BCL2L11: variants seen among roughly 807,000 people sequenced by gnomAD.
The protein encoded by BCL2L11 is bcl-2-like protein 11.
BCL2L11 carries 15 observed loss-of-function variants against 20.6 expected under a neutral mutation model. That is an observed-to-expected ratio of 0.73 (90% CI 0.49 to 1.12). BCL2L11 has a LOEUF of 1.12. Ranked by LOEUF, BCL2L11 falls within the 50% of genes most tolerant of loss-of-function variation. The probability of loss-of-function intolerance (pLI) is 0.00; values close to 1 mark genes in which losing one functional copy is unlikely to be tolerated. For synonymous variants in BCL2L11, 108 were observed against 92.8 expected (o/e 1.16, Z -0.94); for missense variants, 292 against 260.9 (o/e 1.12, Z -0.82).
intron 2 of BCL2L11, chr2:111,132,133 T>C (rs1391298360): frequency 6.6e-6 from 1 of 152,178 alleles, no homozygotes; most frequent in Non-Finnish European, 1.5e-5. Context: ...TCATTTTGTA[T>C]AGCTTTACCA....
chr2:111,131,355 A>G (rs2073921989), intron 2 of BCL2L11: 1 of 152,024 alleles, frequency 6.6e-6, no homozygotes, highest in Non-Finnish European at 1.5e-5. Flanking sequence ...CTTTTGAAGA[A>G]TTGGTCCCTT....
At chr2:111,144,922 CCTGGCTGTTT>C (rs2076303392) in intron 2 of BCL2L11, among the ~76,000 whole-genome samples, 1 of 152,228 alleles carries the variant, frequency 6.6e-6, no homozygotes, top group African/African-American at 2.4e-5. Context: ...CCTGGCTGTG[CCTGGCTGTTT>C]CCCGCAAGTG....
intron 1 of BCL2L11, chr2:111,123,219 A>C: frequency 1.0e-6 from 1 of 985,482 alleles, no homozygotes; most frequent in Non-Finnish European, 1.2e-6. Flanking sequence ...ATTGTGACGC[A>C]CTTACTACGA....
intron 3 of BCL2L11, among the ~76,000 whole-genome samples, chr2:111,159,963 G>T (rs2078354402): frequency 6.6e-6 from 1 of 152,242 alleles, no homozygotes; most frequent in Non-Finnish European, 1.5e-5. Flanking sequence ...CTATGCTGAG[G>T]AACTTGTAGA....
chr2:111,125,746 G>T (rs2072442379), intron 2 of BCL2L11, among the ~76,000 whole-genome samples: 1 of 152,266 alleles, frequency 6.6e-6, no homozygotes, highest in Admixed American at 6.5e-5. Flanking sequence ...CATGCTGGCT[G>T]CACGTCTCTT....
At position 111,150,052 on chromosome 2, in the gene BCL2L11, A is replaced by T. The variant is rs1384450092; in HGVS notation, c.403A>T (p.Arg135Trp). 7.4e-6 allele frequency: 12 copies of T among 1,613,500 alleles called. No individual in the cohort carries two copies. Among genetic ancestry groups the T allele is most frequent in the Admixed American group, 1.7e-5 (1 of 59,994 alleles). Residue 135 changes from arginine to tryptophan, a missense_variant, in exon 3 of 4, where the codon AGG (arginine) becomes TGG (tryptophan). Transcript: ENST00000393256. Reference protein sequence around the residue: ...NHYLSAMASMRQAEPADMRPE... With the variant: ...NHYLSAMASMWQAEPADMRPE... The stretch of plus-strand genomic sequence containing the variant: ...GTTTTGTTCTGATGCAGCTTCCATG[A>T]GGCAGGCTGAACCTGCAGATATGCG...
intron 2 of BCL2L11, among the ~76,000 whole-genome samples, chr2:111,127,930 T>C (rs372757159): frequency 1.3e-5 from 2 of 152,162 alleles, no homozygotes; most frequent in African/African-American, 2.4e-5. Flanking sequence ...AAATAAAATA[T>C]AAACTTGTAT....
chr2:111,128,483 T>C, intron 2 of BCL2L11: 10 of 1,193,942 alleles, frequency 8.4e-6, no homozygotes, highest in Non-Finnish European at 1.1e-5. Context: ...CTGGATCATA[T>C]GGTAATTCTA....
chr2:111,126,472 G>C (rs750073894), intron 2 of BCL2L11, among the ~76,000 whole-genome samples: 4 of 152,156 alleles, frequency 2.6e-5, no homozygotes, highest in Admixed American at 1.3e-4. Context: ...TAAAGTTAAT[G>C]TACCGAGGTA....
chr2:111,154,032 G>T, intron 3 of BCL2L11: 3 of 1,069,162 alleles, frequency 2.8e-6, no homozygotes, highest in Non-Finnish European at 2.4e-6. Flanking sequence ...AGTGGATTTT[G>T]GTAACTTCAT....
chr2:111,148,862 G>A (rs937954404), intron 2 of BCL2L11, among the ~76,000 whole-genome samples: 1 of 152,220 alleles, frequency 6.6e-6, no homozygotes, highest in African/African-American at 2.4e-5. Context: ...ACTCTTCAAA[G>A]TGTTCACTTT....
intron 1 of BCL2L11, chr2:111,122,582 CGGCGCGGGGAGGTCGGCGGT>C (rs2150124851): frequency 2.0e-6 from 2 of 980,730 alleles, no homozygotes; most frequent in East Asian, 2.3e-4. Flanking sequence ...CCGGCGCCAG[CGGCGCGGGGAGGTCGGCGGT>C]GCCGGCGGCG....
chr2:111,164,915 C>G lies in BCL2L11; in HGVS notation c.*684C>G, dbSNP rs1033792958. The G allele has an allele frequency of 1.3e-5, 2 of 152,298 alleles. No individual in the cohort carries two copies. The highest frequency in any genetic ancestry group is 2.9e-5 in the Non-Finnish European group (2 of 68,042). 9.4% of individuals were successfully genotyped at this position (152,298 alleles called of 1,614,324 possible). On this transcript the variant is annotated 3_prime_UTR_variant, in exon 4 of 4. Coordinates refer to ENST00000393256, the MANE Select transcript of BCL2L11 (RefSeq NM_138621.5). ...AAATATTTACGTACCTTTATAAATT[C>G]AGTTGCATCTGTGGCAAAATTTCAG...
In BCL2L11 at chr2:111,120,979, T is replaced by TGCCGCTGCCGCC. The variant is rs1465879075; in HGVS notation, c.-218_-217insTGCCGCCGCCGC. ...GCTCTGCGTCCAGCGCCGCTGCCGCTGCCGCCGCCGCCGCCGCCGCCGCCG... is the reference window on the plus strand; with the variant it reads ...GCTCTGCGTCCAGCGCCGCTGCCGCTGCCGCTGCCGCCGCCGCCGCCGCCGCCGCCGCCGCCG... On this transcript the variant is annotated 5_prime_UTR_variant, in exon 1 of 4. Coordinates refer to ENST00000393256, the MANE Select transcript of BCL2L11 (RefSeq NM_138621.5). 747 of 336,172 alleles carry TGCCGCTGCCGCC rather than the reference T, an allele frequency of 2.2e-3. 5 individuals carry two copies. Among genetic ancestry groups the TGCCGCTGCCGCC allele is most frequent in the African/African-American group, 0.015 (632 of 42,854 alleles). 20.8% of individuals were successfully genotyped at this position (336,172 alleles called of 1,614,324 possible).
At chr2:111,129,680 G>A (rs544221355) in intron 2 of BCL2L11, among the ~76,000 whole-genome samples, 82 of 152,278 alleles carry the variant, frequency 5.4e-4, no homozygotes, top group African/African-American at 1.4e-3. Context: ...TTTATCAAAT[G>A]TGTAGATTTG....
intron 2 of BCL2L11, among the ~76,000 whole-genome samples, chr2:111,126,281 A>G (rs1254741323): frequency 6.6e-6 from 1 of 152,166 alleles, no homozygotes; most frequent in Non-Finnish European, 1.5e-5. Flanking sequence ...GTTACTTGAG[A>G]TGAAATATAC....
chr2:111,145,363 A>G (rs886782107), intron 2 of BCL2L11, among the ~76,000 whole-genome samples: 15 of 152,146 alleles, frequency 9.9e-5, no homozygotes, highest in Non-Finnish European at 1.8e-4. Flanking sequence ...TGGAGAGAGA[A>G]TGTCATGATG....
intron 3 of BCL2L11, among the ~76,000 whole-genome samples, chr2:111,162,508 C>T (rs891080770): frequency 2.0e-5 from 3 of 152,204 alleles, no homozygotes; most frequent in African/African-American, 7.2e-5. Context: ...TCTACTTAAG[C>T]TTGGTCACAG....
At chr2:111,139,378 C>T (rs2075436076) in intron 2 of BCL2L11, among the ~76,000 whole-genome samples, 1 of 152,208 alleles carries the variant, frequency 6.6e-6, no homozygotes, top group Admixed American at 6.5e-5. Context: ...TGTCTTGAGA[C>T]ATGAGACATA....
Sources: allele counts gnomAD v4.1 joint callset (sites outside exome capture counted in the v4.1 genomes callset), GRCh38; gene constraint gnomAD v4.1.1; transcripts MANE v1.5; gene names NCBI Gene and HGNC (gene_info 2026-07-23, HGNC 2026-07-21).